PIEZO2: variants seen among roughly 807,000 people sequenced by gnomAD.
PIEZO2 encodes the protein piezo type mechanosensitive ion channel component 2, also known as piezo-type mechanosensitive ion channel component 2.
PIEZO2 carries 172 observed loss-of-function variants against 337.3 expected under a neutral mutation model. That is an observed-to-expected ratio of 0.51 (90% CI 0.45 to 0.58). PIEZO2 has a LOEUF of 0.58. PIEZO2 is among the 20% of genes least tolerant of loss of function. The probability of loss-of-function intolerance (pLI) is 0.00; values close to 1 mark genes in which losing one functional copy is unlikely to be tolerated. For missense variants in PIEZO2, 3,028 were observed against 3,391.3 expected, an observed-to-expected ratio of 0.89 and a Z score of 2.66; for synonymous variants, 1,251 against 1,228.5, an observed-to-expected ratio of 1.02 and a Z score of -0.38.
Position 11,084,172 on chromosome 18 carries a change from G to A in PIEZO2, c.65-17950C>T, listed in dbSNP as rs12457583. On this transcript the variant is annotated intron_variant, in intron 1 of 55. Transcript: ENST00000674853. ...AGCCTGGGCAAAAGAGTGAAACTCT[G>A]TCTCAAAAAAAAAAAAAAAAAAAAA... Among the ~76,000 whole-genome samples, 223 of 88,166 alleles carry A rather than the reference G, an allele frequency of 2.5e-3. 2 individuals are homozygous for A. The highest frequency in any genetic ancestry group is 0.011 in the Middle Eastern group (1 of 92). The allele number at this position is 88,166 out of a possible 152,430, so 57.8% of individuals were successfully genotyped here.
At position 10,782,366 on chromosome 18, in the gene PIEZO2, AATAATTATAATATATT is replaced by A. The variant is rs1410146082; in HGVS notation, c.2493-2016_2493-2001del. 4.6e-3 allele frequency among the ~76,000 whole-genome samples: 162 copies of A among 34,954 alleles called. 2 individuals carry two copies. The highest frequency in any genetic ancestry group is 0.026 in the African/African-American group (152 of 5,886). The allele number at this position is 34,954 out of a possible 152,430, so 22.9% of individuals were successfully genotyped here. A position where few individuals can be genotyped will look rare whatever the true frequency, so the allele number is the denominator to read the frequency against. ...TTATAATATATTATAATTATATATA[AATAATTATAATATATT>A]ATAATTATATATAAATAATTATATA... On this transcript the variant is annotated intron_variant, in intron 17 of 55. Coordinates refer to ENST00000674853, the MANE Select transcript of PIEZO2 (RefSeq NM_001378183.1).
intron 1 of PIEZO2, among the ~76,000 whole-genome samples, chr18:11,106,398 C>T (rs1598968417): frequency 6.7e-6 from 1 of 149,256 alleles, no homozygotes; most frequent in Admixed American, 6.7e-5. Context: ...GCACCCGGCC[C>T]ATTTTTTTCT....
At chr18:10,704,858 T>C (rs1330718495) in intron 41 of PIEZO2, among the ~76,000 whole-genome samples, 1 of 151,974 alleles carries the variant, frequency 6.6e-6, no homozygotes, top group African/African-American at 2.4e-5. Flanking sequence ...CTAATTTTTT[T>C]GTGTGTATTT....
intron 2 of PIEZO2, among the ~76,000 whole-genome samples, chr18:11,008,555 G>A (rs1002779646): frequency 2.2e-4 from 34 of 152,134 alleles, no homozygotes; most frequent in African/African-American, 8.2e-4. Context: ...TAGTTCACTG[G>A]CTTCCAAAAC....
At position 10,791,313 on chromosome 18, in the gene PIEZO2, G is replaced by A; in HGVS notation, c.1770C>T (p.Thr590=). The A allele has an allele frequency of 2.0e-6, 3 of 1,510,754 alleles. No homozygotes were observed. Among genetic ancestry groups the A allele is most frequent in the Non-Finnish European group, 2.6e-6 (3 of 1,134,786 alleles). 93.6% of individuals were successfully genotyped at this position (1,510,754 alleles called of 1,614,324 possible). A position where few individuals can be genotyped will look rare whatever the true frequency, so the allele number is the denominator to read the frequency against. ...GCCTCAGCAGTAGCCAAAAAGTAATGGTGAAAAGGATCTGAAAGTAGAGAA... is the reference window on the plus strand; with the variant it reads ...GCCTCAGCAGTAGCCAAAAAGTAATAGTGAAAAGGATCTGAAAGTAGAGAA... The part of the protein sequence containing the change: ...PGELASKILF[T]ITFWLLLRQH... Residue 590 remains threonine (T), a synonymous_variant, in exon 14 of 56, where the codon ACC becomes ACT. Transcript: ENST00000674853.
rs1055469638 is a variant in PIEZO2, at chr18:11,077,061, A to C, written c.65-10839T>G. Among the ~76,000 whole-genome samples, 2 of 152,230 alleles carry C rather than the reference A, an allele frequency of 1.3e-5. No homozygotes were observed. The highest frequency in any genetic ancestry group is 1.3e-4 in the Admixed American group (2 of 15,280). ...ATGAGGAAATAAAGCTTTTATGCTC[A>C]TACATAATTTCTTAAACTATCAGAC... On this transcript the variant is annotated intron_variant, in intron 1 of 55. Transcript: ENST00000674853. This position sits in a 1 kb window ranked among gnomAD's most constrained non-coding sequence, Gnocchi z 4.8.
intron 2 of PIEZO2, among the ~76,000 whole-genome samples, chr18:11,062,959 A>G (rs544998670): frequency 2.0e-5 from 3 of 152,212 alleles, no homozygotes; most frequent in Non-Finnish European, 4.4e-5. Context: ...ACACATGCAC[A>G]TGTATGTTTA....
rs946693783 is a variant in PIEZO2, at chr18:10,863,125, T to C, written c.493-5914A>G. ...CATTTTTCTGAAGTGTCATCAATTGTTTATTCATTGTTTATTATTAAAAGT... is the reference window on the plus strand; with the variant it reads ...CATTTTTCTGAAGTGTCATCAATTGCTTATTCATTGTTTATTATTAAAAGT... On this transcript the variant is annotated intron_variant, in intron 5 of 55. Coordinates refer to ENST00000674853, the MANE Select transcript of PIEZO2 (RefSeq NM_001378183.1). The surrounding 1 kb of genome is among the most constrained non-coding windows in gnomAD (Gnocchi z 4.3). Among the ~76,000 whole-genome samples the C allele has an allele frequency of 5.9e-5, 9 of 152,230 alleles. No homozygotes were observed. Among genetic ancestry groups the C allele is most frequent in the African/African-American group, 2.2e-4 (9 of 41,462 alleles).
At chr18:10,720,866 C>G (rs552219358) in intron 36 of PIEZO2, among the ~76,000 whole-genome samples, 1 of 152,130 alleles carries the variant, frequency 6.6e-6, no homozygotes, top group Non-Finnish European at 1.5e-5. Flanking sequence ...CCGGTCTTGA[C>G]CAGCTAAGCT....
At chr18:10,739,695 A>G (rs535364374) in intron 33 of PIEZO2, 4 of 152,354 alleles carry the variant, frequency 2.6e-5, no homozygotes, top group Admixed American at 6.5e-5. Context: ...GAAGAGTCAC[A>G]CTGGACTCCG....
At position 10,800,473 on chromosome 18, in the gene PIEZO2, G is replaced by T; in HGVS notation, c.1242C>A (p.Gly414=). 3 of 1,527,532 alleles carry T rather than the reference G, an allele frequency of 2.0e-6. No homozygotes were observed. Among genetic ancestry groups the T allele is most frequent in the Non-Finnish European group, 2.6e-6 (3 of 1,142,716 alleles). 94.6% of individuals were successfully genotyped at this position (1,527,532 alleles called of 1,614,324 possible). A position where few individuals can be genotyped will look rare whatever the true frequency, so the allele number is the denominator to read the frequency against. ...MTQDDYKPSD[G]LLVTVNGNPV... ...GGTTGCCGTTCACAGTCACCAGCAG[G>T]CCCTGCCGGGAGTGCAGAGAAAGGG... The change falls in exon 11 of 56, where the codon GGC becomes GGA. Residue 414 remains glycine (G), a splice_region_variant and synonymous_variant. Transcript: ENST00000674853.
intron 7 of PIEZO2, among the ~76,000 whole-genome samples, chr18:10,848,988 G>A (rs576312065): frequency 6.6e-6 from 1 of 152,154 alleles, no homozygotes; most frequent in Non-Finnish European, 1.5e-5. Flanking sequence ...GTCAAGAAGT[G>A]TCTTTAGAAG....
At chr18:10,701,434 G>A (rs778411050) in intron 43 of PIEZO2, among the ~76,000 whole-genome samples, 14 of 152,194 alleles carry the variant, frequency 9.2e-5, no homozygotes, top group Non-Finnish European at 1.8e-4. Context: ...CAATAAGCAG[G>A]AGAAAGCACA....
rs77258459 is a variant in PIEZO2 at position 10,676,679 on chromosome 18, G to A, written c.8081+1068C>T. ...AGAGCAAGGTTTGTCATCTAGAGAT[G>A]AGATCAATACTTTTTGGGCCAGGTG... On this transcript the variant is annotated intron_variant, in intron 53 of 55. Transcript: ENST00000674853. The surrounding 1 kb of genome is among the most constrained non-coding windows in gnomAD (Gnocchi z 5.1). Among the ~76,000 whole-genome samples, 301 of 152,332 alleles carry A rather than the reference G, an allele frequency of 2.0e-3. 1 individual carries two copies. Among genetic ancestry groups the A allele is most frequent in the Admixed American group, 4.6e-3 (70 of 15,306 alleles).
intron 2 of PIEZO2, among the ~76,000 whole-genome samples, chr18:11,064,442 T>A (rs993096366): frequency 2.0e-5 from 3 of 152,236 alleles, no homozygotes; most frequent in Non-Finnish European, 4.4e-5. Context: ...GTGCACCTGT[T>A]TGTGCTCTGT....
In PIEZO2 at chr18:10,988,164, C is replaced by T. The variant is rs999502735; in HGVS notation, c.161-8504G>A. Among the ~76,000 whole-genome samples, 21 of 151,966 alleles carry T rather than the reference C, an allele frequency of 1.4e-4. No homozygotes were observed. Among genetic ancestry groups the T allele is most frequent in the Non-Finnish European group, 2.5e-4 (17 of 68,010 alleles). On this transcript the variant is annotated intron_variant, in intron 2 of 55. Coordinates refer to ENST00000674853, the MANE Select transcript of PIEZO2 (RefSeq NM_001378183.1). This position sits in a 1 kb window ranked among gnomAD's most constrained non-coding sequence, Gnocchi z 4.8. ...AGTGTTGAGAAAATGTATTCATTCC[C>T]GTTCAGCCATTTTGCCATGTGAGGA... is the stretch of plus-strand genomic sequence containing the variant.
At position 10,945,246 on chromosome 18, in the gene PIEZO2, C is replaced by CAT. The variant is rs1598731197; in HGVS notation, c.287-34020_287-34019dup. 1.3e-5 allele frequency among the ~76,000 whole-genome samples: 2 copies of CAT among 152,158 alleles called. No homozygotes were observed. The highest frequency in any genetic ancestry group is 3.9e-4 in the East Asian group (2 of 5,190). ...TCAGGCTGGAGTGCAGTGGCACAAT[C>CAT]ATAGCTCACTGCAGCCTCAAACTCC... On this transcript the variant is annotated intron_variant, in intron 3 of 55. Coordinates refer to ENST00000674853, the MANE Select transcript of PIEZO2 (RefSeq NM_001378183.1). This position sits in a 1 kb window ranked among gnomAD's most constrained non-coding sequence, Gnocchi z 4.0.
intron 15 of PIEZO2, among the ~76,000 whole-genome samples, chr18:10,787,651 CTGTGGATATTCAT>C (rs1245981300): frequency 1.3e-5 from 2 of 152,182 alleles, no homozygotes; most frequent in Non-Finnish European, 2.9e-5. Context: ...TTACCGTAAG[CTGTGGATATTCAT>C]TAGAGAACAT....
intron 18 of PIEZO2, among the ~76,000 whole-genome samples, chr18:10,777,316 T>C (rs1010939017): frequency 3.9e-5 from 6 of 152,218 alleles, no homozygotes; most frequent in Non-Finnish European, 7.3e-5. Flanking sequence ...CACTCTACAC[T>C]TCCACAGCTT....
Sources: allele counts gnomAD v4.1 joint callset (sites outside exome capture counted in the v4.1 genomes callset), GRCh38; gene constraint gnomAD v4.1.1; non-coding constraint Gnocchi (gnomAD v3.1); transcripts MANE v1.5; gene names NCBI Gene and HGNC (gene_info 2026-07-23, HGNC 2026-07-21).